Variants in RABL3 observed in about 807,000 individuals in gnomAD.
RABL3 encodes rab-like protein 3.
In RABL3, 31 loss-of-function variants were observed where a neutral mutation model predicts 31.8. The observed-to-expected ratio is 0.97, with a 90% CI of 0.73 to 1.31. The LOEUF is 1.31. Ranked by LOEUF, RABL3 falls within the 40% of genes most tolerant of loss-of-function variation. The probability of loss-of-function intolerance (pLI) is 0.00; values close to 1 mark genes in which losing one functional copy is unlikely to be tolerated. For missense variants in RABL3, 263 were observed against 279.6 expected, an observed-to-expected ratio of 0.94 and a Z score of 0.42; for synonymous variants, 97 against 99.9, an observed-to-expected ratio of 0.97 and a Z score of 0.18.
At chr3:120,702,989 T>C (rs1204823450) in intron 4 of RABL3, among the ~76,000 whole-genome samples, 1 of 152,154 alleles carries the variant, frequency 6.6e-6, no homozygotes, top group Non-Finnish European at 1.5e-5. Flanking sequence ...ATGAGAAAAT[T>C]TGGCCTGGGG....
intron 2 of RABL3, among the ~76,000 whole-genome samples, chr3:120,710,851 A>G (rs1708605052): frequency 6.6e-6 from 1 of 152,110 alleles, no homozygotes; most frequent in Non-Finnish European, 1.5e-5. Flanking sequence ...TTTCACAGCA[A>G]AAGTCCTCCA....
intron 3 of RABL3, among the ~76,000 whole-genome samples, chr3:120,707,296 A>G (rs558086532): frequency 6.6e-6 from 1 of 152,194 alleles, no homozygotes; most frequent in East Asian, 1.9e-4. Flanking sequence ...CACTTGCCCT[A>G]ATATCCAATT....
At chr3:120,740,898 C>T (rs990224772) in intron 1 of RABL3, among the ~76,000 whole-genome samples, 2 of 152,172 alleles carry the variant, frequency 1.3e-5, no homozygotes, top group Non-Finnish European at 2.9e-5. Context: ...TTATCAATTG[C>T]CTGATTACTT....
intron 6 of RABL3, among the ~76,000 whole-genome samples, chr3:120,693,939 C>T (rs1385247182): frequency 6.6e-6 from 1 of 152,072 alleles, no homozygotes; most frequent in Non-Finnish European, 1.5e-5. Context: ...AATCCAGTAG[C>T]TTTTGCCCTT....
In RABL3 at chr3:120,685,305, C is replaced by T. The variant is rs767066790; in HGVS notation, c.*4518G>A. The stretch of plus-strand genomic sequence containing the variant: ...AGATGTCTCCGAGAAAAAGATGGAA[C>T]GGAGAGATTACCTGATATACTTGAT... On this transcript the variant is annotated 3_prime_UTR_variant, in exon 8 of 8. Transcript: ENST00000273375. 2.6e-5 allele frequency among the ~76,000 whole-genome samples: 4 copies of T among 152,256 alleles called. No homozygotes were observed. The highest frequency in any genetic ancestry group is 3.9e-4 in the East Asian group (2 of 5,178).
At chr3:120,705,812 A>G (rs73181934) in intron 4 of RABL3, among the ~76,000 whole-genome samples, 188 bp downstream of exon 4, 3,256 of 152,326 alleles carry the variant, frequency 0.021, 54 homozygotes, top group Middle Eastern at 0.054. Flanking sequence ...CCATAGAAGA[A>G]AAGAAGAGTA....
At chr3:120,736,252 GGATA>G (rs1419258598) in intron 1 of RABL3, among the ~76,000 whole-genome samples, 5 of 152,178 alleles carry the variant, frequency 3.3e-5, no homozygotes, top group African/African-American at 1.2e-4. Flanking sequence ...TATATGTTTA[GGATA>G]GTTAGCTGTT....
rs369369624 is a variant in RABL3, at chr3:120,732,386, G to C, written c.47-1599C>G. Among the ~76,000 whole-genome samples the C allele has an allele frequency of 7.9e-4, 120 of 152,142 alleles. 1 individual carries two copies. The highest frequency in any genetic ancestry group is 2.8e-3 in the African/African-American group (116 of 41,508). On this transcript the variant is annotated intron_variant, in intron 1 of 7. Transcript: ENST00000273375. ...CCACTGTACCCTGTACATTTTCCTA[G>C]AGAGCACTTAAAACACATTATTACA...
intron 2 of RABL3, among the ~76,000 whole-genome samples, chr3:120,716,413 A>G (rs1381425100): frequency 6.6e-6 from 1 of 152,224 alleles, no homozygotes; most frequent in Non-Finnish European, 1.5e-5. Context: ...TACTGAGTAC[A>G]TACATTAAAC....
chr3:120,698,175 C>G (rs751673218), intron 5 of RABL3, among the ~76,000 whole-genome samples: 6 of 152,062 alleles, frequency 3.9e-5, no homozygotes, highest in Non-Finnish European at 7.4e-5. Flanking sequence ...AAAAAAGAAG[C>G]CTATGATTTA....
chr3:120,732,866 T>C (rs1402156456), intron 1 of RABL3, among the ~76,000 whole-genome samples: 2 of 152,136 alleles, frequency 1.3e-5, no homozygotes, highest in Non-Finnish European at 1.5e-5. Flanking sequence ...TCCAGCTTCA[T>C]CCATGTCCCT....
At chr3:120,723,624 G>A (rs1281269285) in intron 2 of RABL3, among the ~76,000 whole-genome samples, 1 of 152,138 alleles carries the variant, frequency 6.6e-6, no homozygotes, top group Admixed American at 6.5e-5. Flanking sequence ...TTCATCCCTG[G>A]GATGGAAGGC....
At chr3:120,735,703 C>T (rs1032646647) in intron 1 of RABL3, among the ~76,000 whole-genome samples, 1 of 152,190 alleles carries the variant, frequency 6.6e-6, no homozygotes, top group Non-Finnish European at 1.5e-5. Context: ...TTTCCCTCTA[C>T]ACACTGCTTT....
chr3:120,727,150 T>C (rs556989477), intron 2 of RABL3, among the ~76,000 whole-genome samples: 2 of 152,198 alleles, frequency 1.3e-5, no homozygotes, highest in East Asian at 1.9e-4. Flanking sequence ...AAAGAAAGTA[T>C]GTTCATAAAG....
intron 4 of RABL3, among the ~76,000 whole-genome samples, chr3:120,700,240 C>T (rs1708479148): frequency 6.6e-6 from 1 of 151,866 alleles, no homozygotes. Flanking sequence ...AGACACACAG[C>T]CAGGTATCAT....
At chr3:120,721,922 T>G (rs1195789553) in intron 2 of RABL3, 1 of 152,194 alleles carries the variant, frequency 6.6e-6, no homozygotes, top group Non-Finnish European at 1.5e-5. Context: ...GACCACACAG[T>G]TGGAAGCAAA....
intron 4 of RABL3, among the ~76,000 whole-genome samples, chr3:120,701,662 T>C (rs1361530158): frequency 6.6e-6 from 1 of 152,208 alleles, no homozygotes; most frequent in Non-Finnish European, 1.5e-5. Flanking sequence ...TTTAAATTAG[T>C]TGTGCTTATT....
chr3:120,740,459 C>T (rs1559826411), intron 1 of RABL3, among the ~76,000 whole-genome samples: 1 of 152,226 alleles, frequency 6.6e-6, no homozygotes, highest in East Asian at 1.9e-4. Flanking sequence ...GAGAGAGGGT[C>T]TTGCCATGTT....
At chr3:120,717,819 G>C (rs952581277) in intron 2 of RABL3, among the ~76,000 whole-genome samples, 2 of 152,178 alleles carry the variant, frequency 1.3e-5, no homozygotes, top group Non-Finnish European at 2.9e-5. Flanking sequence ...CTAAAACTTG[G>C]TCAGTGTCTT....
Sources: gnomAD v4.1 joint callset for allele counts (sites outside exome capture counted in the v4.1 genomes callset) on GRCh38, gnomAD v4.1.1 for gene constraint, MANE v1.5 for transcripts, NCBI Gene and HGNC (gene_info 2026-07-23, HGNC 2026-07-21) for gene names.